TRHR: variants seen among roughly 807,000 people sequenced by gnomAD.
The protein encoded by TRHR is thyrotropin-releasing hormone receptor.
TRHR carries 14 observed loss-of-function variants against 28.0 expected under a neutral mutation model. That is an observed-to-expected ratio of 0.50 (90% confidence interval 0.33 to 0.78). The LOEUF (loss-of-function observed/expected upper bound fraction) is 0.78, where lower values mean the gene tolerates loss of function less well. TRHR is among the 30% of genes least tolerant of loss of function. The probability of loss-of-function intolerance (pLI) is 0.02; values close to 1 mark genes in which losing one functional copy is unlikely to be tolerated. For synonymous variants in TRHR, 176 were observed against 171.9 expected (o/e 1.02, Z -0.18); for missense variants, 438 against 469.5 (o/e 0.93, Z 0.62).
intron 2 of TRHR, among the ~76,000 whole-genome samples, chr8:109,109,255 T>C (rs536441642): frequency 2.0e-5 from 3 of 152,010 alleles, no homozygotes; most frequent in Admixed American, 6.6e-5. Flanking sequence ...TCAGGAAAAA[T>C]ATTCCTTCCC....
In TRHR at chr8:109,087,460, AAAG is replaced by A. The variant is rs1338025383; in HGVS notation, c.-48_-46del. On this transcript the variant is annotated 5_prime_UTR_variant, in exon 2 of 3. In the 5' UTR this introduces an upstream ATG that the reference lacks. Coordinates refer to ENST00000518632, the MANE Select transcript of TRHR (RefSeq NM_003301.7). ...CTGCTGCAATAAAGGTGGGCGCTGG[AAAG>A]AAGATGTTTTGAGAAGTCAGTGTTT... The A allele has an allele frequency of 6.9e-6, 11 of 1,604,712 alleles. No homozygotes were observed. The highest frequency in any genetic ancestry group is 2.2e-5 in the East Asian group (1 of 44,838).
intron 2 of TRHR, among the ~76,000 whole-genome samples, chr8:109,114,296 T>C (rs889345710): frequency 6.6e-6 from 1 of 152,060 alleles, no homozygotes; most frequent in African/African-American, 2.4e-5. Context: ...GCTCTCTAAA[T>C]ACTAAATTTT....
At position 109,087,892 on chromosome 8, in the gene TRHR, T is replaced by C; in HGVS notation, c.380T>C (p.Ile127Thr). The C allele has an allele frequency of 1.2e-6, 2 of 1,614,214 alleles. No individual in the cohort carries two copies. The highest frequency in any genetic ancestry group is 1.7e-6 in the Non-Finnish European group (2 of 1,180,036). Residue 127 changes from isoleucine to threonine, a missense_variant, in exon 2 of 3, where the codon ATC becomes ACC. Coordinates refer to ENST00000518632, the MANE Select transcript of TRHR (RefSeq NM_003301.7). The stretch of plus-strand genomic sequence containing the variant: ...TTTACCATTGAGAGGTACATAGCAA[T>C]CTGTCACCCCATCAAAGCCCAGTTT... ...TAFTIERYIA[I>T]CHPIKAQFLC...
intron 2 of TRHR, among the ~76,000 whole-genome samples, chr8:109,117,312 T>C (rs1025888743): frequency 1.3e-5 from 2 of 151,920 alleles, no homozygotes; most frequent in Non-Finnish European, 2.9e-5. Context: ...TACTCATGTG[T>C]CTGTAGACAA....
rs753093711 is a variant in TRHR at position 109,119,309 on chromosome 8, G to T, written c.1051G>T (p.Ala351Ser). The change falls in exon 3 of 3, where the codon GCC becomes TCC. Residue 351 changes from alanine (A) to serine (S), a missense_variant. Coordinates refer to ENST00000518632, the MANE Select transcript of TRHR (RefSeq NM_003301.7). Reference protein sequence around the residue: ...PTEKPANYSVALNYSVIKESD... With the variant: ...PTEKPANYSVSLNYSVIKESD... ...AGAGAAACCTGCTAACTACAGTGTG[G>T]CCCTAAATTACAGCGTCATCAAGGA... The T allele has an allele frequency of 1.9e-6, 3 of 1,612,530 alleles. No individual in the cohort carries two copies. Among genetic ancestry groups the T allele is most frequent in the South Asian group, 2.2e-5 (2 of 91,044 alleles).
intron 2 of TRHR, among the ~76,000 whole-genome samples, chr8:109,100,403 G>C (rs1358791492): frequency 6.6e-6 from 1 of 151,856 alleles, no homozygotes; most frequent in African/African-American, 2.4e-5. Flanking sequence ...CAACTGCAGT[G>C]CACAGTAGAG....
intron 2 of TRHR, among the ~76,000 whole-genome samples, chr8:109,098,488 G>A (rs535165808): frequency 1.3e-5 from 2 of 152,168 alleles, no homozygotes; most frequent in Admixed American, 6.5e-5. Flanking sequence ...GGTGCTTGCT[G>A]CTAGAATCAT....
intron 2 of TRHR, among the ~76,000 whole-genome samples, chr8:109,116,149 A>G (rs575255338): frequency 6.6e-6 from 1 of 152,322 alleles, no homozygotes; most frequent in East Asian, 1.9e-4. Context: ...CCAGGGATGA[A>G]GCCCACTTGA....
At chr8:109,087,378 C>G in intron 1 of TRHR, 47 bp from the exon 2 acceptor site, 1 of 963,946 alleles carries the variant, frequency 1.0e-6, no homozygotes, top group Non-Finnish European at 1.6e-6. Flanking sequence ...GGGACTTGAT[C>G]AGAAATTGTA....
At chr8:109,092,604 T>C (rs1811532693) in intron 2 of TRHR, among the ~76,000 whole-genome samples, 1 of 151,784 alleles carries the variant, frequency 6.6e-6, no homozygotes, top group Admixed American at 6.6e-5. Context: ...ACCTGGCTAA[T>C]TTTTTTCTAT....
rs1811961218 is a variant in TRHR, at chr8:109,119,044, C to G, written c.790-4C>G. On this transcript the variant is annotated splice_region_variant and splice_polypyrimidine_tract_variant and intron_variant, in intron 2 of 2. Coordinates refer to ENST00000518632, the MANE Select transcript of TRHR (RefSeq NM_003301.7). ...GTACAGCATTTCTCTCTATTTCTCC[C>G]TAGGTCACCAAGATGCTGGCAGTGG... 2 of 1,612,282 alleles carry G rather than the reference C, an allele frequency of 1.2e-6. No homozygotes were observed. Among genetic ancestry groups the G allele is most frequent in the Non-Finnish European group, 1.7e-6 (2 of 1,178,906 alleles).
chr8:109,103,005 C>A (rs533474588), intron 2 of TRHR, among the ~76,000 whole-genome samples: 2 of 152,262 alleles, frequency 1.3e-5, no homozygotes, highest in South Asian at 4.1e-4. Flanking sequence ...TTCCCCTTCA[C>A]TGAGGCAAGG....
intron 2 of TRHR, among the ~76,000 whole-genome samples, chr8:109,099,911 T>C (rs932992108): frequency 7.2e-5 from 11 of 152,154 alleles, no homozygotes; most frequent in African/African-American, 2.7e-4. Flanking sequence ...ACTCAGCATA[T>C]TTTCTGTGGG....
chr8:109,098,657 A>T (rs529292025), intron 2 of TRHR, among the ~76,000 whole-genome samples: 6 of 152,114 alleles, frequency 3.9e-5, no homozygotes, highest in African/African-American at 1.4e-4. Context: ...CTGTCCCCCA[A>T]CACACCCTCA....
At chr8:109,106,955 G>C (rs1811759942) in intron 2 of TRHR, among the ~76,000 whole-genome samples, 1 of 152,120 alleles carries the variant, frequency 6.6e-6, no homozygotes, top group African/African-American at 2.4e-5. Context: ...GAAGGAACAG[G>C]ATCCTTTCAG....
At chr8:109,112,242 A>G (rs1387494659) in intron 2 of TRHR, among the ~76,000 whole-genome samples, 10 of 152,164 alleles carry the variant, frequency 6.6e-5, no homozygotes, top group African/African-American at 2.4e-4. Flanking sequence ...CATGCACAGA[A>G]CCTTTTCTGA....
At chr8:109,103,281 T>C (rs1811704829) in intron 2 of TRHR, among the ~76,000 whole-genome samples, 1 of 152,136 alleles carries the variant, frequency 6.6e-6, no homozygotes, top group African/African-American at 2.4e-5. Flanking sequence ...TTTCTTTCCC[T>C]CAAATATCTT....
intron 2 of TRHR, 149 bp downstream of exon 2, chr8:109,088,450 T>A: frequency 2.3e-6 from 2 of 878,482 alleles, no homozygotes; most frequent in Non-Finnish European, 3.5e-6. Context: ...CCTAACATAT[T>A]AAATCCATCT....
In TRHR at chr8:109,121,081, G is replaced by T. The variant is rs1363954193; in HGVS notation, c.*1626G>T. ...TATCCAGAACCTCATTCTAGAGTGC[G>T]CTTTTTTTTTTTTGAAAATTGGCCT... On this transcript the variant is annotated 3_prime_UTR_variant, in exon 3 of 3. Coordinates refer to ENST00000518632, the MANE Select transcript of TRHR (RefSeq NM_003301.7). 1.1e-5 allele frequency among the ~76,000 whole-genome samples: 1 copy of T among 91,260 alleles called. No homozygotes were observed. Among genetic ancestry groups the T allele is most frequent in the Non-Finnish European group, 2.0e-5 (1 of 51,180 alleles). 59.9% of individuals were successfully genotyped at this position (91,260 alleles called of 152,430 possible).
Sources: gnomAD v4.1 joint callset for allele counts (sites outside exome capture counted in the v4.1 genomes callset) on GRCh38, gnomAD v4.1.1 for gene constraint, MANE v1.5 for transcripts, NCBI Gene and HGNC (gene_info 2026-07-23, HGNC 2026-07-21) for gene names.